PIK3AP1: variants seen among roughly 807,000 people sequenced by gnomAD.
PIK3AP1 encodes the protein phosphoinositide 3-kinase adapter protein 1.
In PIK3AP1, 21 loss-of-function variants were observed where a neutral mutation model predicts 88.1. The observed-to-expected ratio is 0.24, with a 90% CI of 0.17 to 0.34. The LOEUF (loss-of-function observed/expected upper bound fraction) is 0.34, where lower values mean the gene tolerates loss of function less well. Ranked by LOEUF, PIK3AP1 falls within the 10% of genes least tolerant of loss-of-function variation. The pLI is 1.00. For missense variants in PIK3AP1, 828 were observed against 1,035.7 expected (o/e 0.80, Z 2.75); for synonymous variants, 398 against 400.0 (o/e 1.00, Z 0.06).
At chr10:96,603,742 A>G in intron 15 of PIK3AP1, 1 of 439,090 alleles carries the variant, frequency 2.3e-6, no homozygotes, top group African/African-American at 2.0e-5. Context: ...GTCCCTCTAG[A>G]GAACCCTAAT....
chr10:96,645,123 C>A (rs1036209684), intron 8 of PIK3AP1, among the ~76,000 whole-genome samples: 1 of 152,158 alleles, frequency 6.6e-6, no homozygotes, highest in Non-Finnish European at 1.5e-5. Flanking sequence ...TTATATAATA[C>A]ATAAACCTCA....
At chr10:96,671,240 G>A (rs1310281000) in intron 2 of PIK3AP1, among the ~76,000 whole-genome samples, 1 of 152,186 alleles carries the variant, frequency 6.6e-6, no homozygotes, top group Admixed American at 6.5e-5. Context: ...AAATATTTGT[G>A]GGTTCACAGG....
At chr10:96,687,258 A>C (rs1844083751) in intron 2 of PIK3AP1, among the ~76,000 whole-genome samples, 1 of 133,164 alleles carries the variant, frequency 7.5e-6, no homozygotes, top group South Asian at 2.2e-4. Flanking sequence ...TCCATCTCAA[A>C]AAAAAAAAAA....
At chr10:96,651,410 T>C in intron 5 of PIK3AP1, 30 bp from the exon 6 acceptor site, 2 of 1,614,190 alleles carry the variant, frequency 1.2e-6, no homozygotes, top group Non-Finnish European at 1.7e-6. Context: ...TGGTCAGATC[T>C]GAAATCCAGC....
rs77790783 is a variant in PIK3AP1 at position 96,714,415 on chromosome 10, C to T, written c.14-4432G>A. On this transcript the variant is annotated intron_variant, in intron 1 of 16. Coordinates refer to ENST00000339364, the MANE Select transcript of PIK3AP1 (RefSeq NM_152309.3). ...CCAAGTGCACATTGTTAGTCAGTGC[C>T]AGAGCAGGGATCTGACTCCAAAGTC... Among the ~76,000 whole-genome samples the T allele has an allele frequency of 1.6e-3, 251 of 152,278 alleles. 1 individual carries two copies. Among genetic ancestry groups the T allele is most frequent in the Non-Finnish European group, 3.1e-3 (212 of 68,018 alleles).
chr10:96,626,909 G>A lies in PIK3AP1; in HGVS notation c.1472-4C>T. The A allele has an allele frequency of 6.2e-7, 1 of 1,611,584 alleles. No individual in the cohort carries two copies. The highest frequency in any genetic ancestry group is 8.5e-7 in the Non-Finnish European group (1 of 1,177,668). ...TTGGTCATTCCCATGCTGTTGCCTA[G>A]AAACGCAGAGAAAGGTGACTGAAAG... On this transcript the variant is annotated splice_region_variant and splice_polypyrimidine_tract_variant and intron_variant, in intron 9 of 16. Transcript: ENST00000339364.
chr10:96,636,617 T>A (rs1289714357), intron 8 of PIK3AP1, among the ~76,000 whole-genome samples: 1 of 152,236 alleles, frequency 6.6e-6, no homozygotes, highest in African/African-American at 2.4e-5. Context: ...CCCAAGCACT[T>A]AAACTTCATG....
Position 96,645,716 on chromosome 10 carries a change from G to A in PIK3AP1, c.1186-54C>T. The A allele has an allele frequency of 3.3e-6, 5 of 1,500,962 alleles. No homozygotes were observed. In the East Asian group the frequency reaches 7.3e-5, roughly 22 times the overall value. 93.0% of individuals were successfully genotyped at this position (1,500,962 alleles called of 1,614,324 possible). ...CCTGAGGCAGCCTGACTTTCCGGGTGGAACTTGGCCCCCGAAGGCACTTGT... is the reference window on the plus strand; with the variant it reads ...CCTGAGGCAGCCTGACTTTCCGGGTAGAACTTGGCCCCCGAAGGCACTTGT... On this transcript the variant is annotated intron_variant, in intron 7 of 16. Transcript: ENST00000339364.
chr10:96,664,905 C>T (rs1843741013), intron 2 of PIK3AP1, among the ~76,000 whole-genome samples: 1 of 147,056 alleles, frequency 6.8e-6, no homozygotes, highest in Non-Finnish European at 1.5e-5. Flanking sequence ...TTAAAAGTTT[C>T]CTTCAAAGGA....
At chr10:96,628,540 G>A in intron 8 of PIK3AP1, 47 bp from the exon 9 acceptor site, 1 of 1,458,074 alleles carries the variant, frequency 6.9e-7, no homozygotes, top group Non-Finnish European at 9.6e-7. Flanking sequence ...CTCCTCCACA[G>A]GCAAGGAGAT....
At chr10:96,607,645 A>C (rs1354430327) in intron 14 of PIK3AP1, among the ~76,000 whole-genome samples, 3 of 152,192 alleles carry the variant, frequency 2.0e-5, no homozygotes, top group Admixed American at 6.5e-5. Context: ...AGCAAACTGG[A>C]GCTTTTCCTT....
chr10:96,656,849 C>T lies in PIK3AP1; in HGVS notation c.516G>A (p.Val172=). The T allele has an allele frequency of 1.2e-6, 2 of 1,614,144 alleles. No individual in the cohort carries two copies. Among genetic ancestry groups the T allele is most frequent in the Non-Finnish European group, 1.7e-6 (2 of 1,180,032 alleles). The change falls in exon 3 of 17, where the codon GTG becomes GTA. Residue 172 remains valine (V), a synonymous_variant. Coordinates refer to ENST00000339364, the MANE Select transcript of PIK3AP1 (RefSeq NM_152309.3). ...SYSKQQNLPT[V]TSPGNLMVVQ... ...CCACCATCAGGTTCCCAGGTGAAGT[C>T]ACCGTCGGCAGGTTCTGCTGCTTCG...
intron 8 of PIK3AP1, among the ~76,000 whole-genome samples, chr10:96,641,124 T>TGC (rs1554956933): frequency 2.9e-4 from 32 of 109,710 alleles, no homozygotes; most frequent in African/African-American, 8.9e-4. Context: ...TGTGTGTGTG[T>TGC]GCGTGTGCAT....
chr10:96,628,907 T>C (rs1443049343), intron 8 of PIK3AP1, among the ~76,000 whole-genome samples: 3 of 10,850 alleles, frequency 2.8e-4, no homozygotes, highest in African/African-American at 6.6e-4. Flanking sequence ...TATATATATA[T>C]GTGTATATAT....
intron 2 of PIK3AP1, among the ~76,000 whole-genome samples, chr10:96,670,155 C>CA (rs35152022): frequency 0.035 from 3,237 of 91,398 alleles, 333 homozygotes; most frequent in African/African-American, 0.14. Context: ...AAGACTCCAT[C>CA]AAAAAAAAAA....
intron 2 of PIK3AP1, among the ~76,000 whole-genome samples, chr10:96,705,261 A>T (rs1844346755): frequency 6.6e-6 from 1 of 152,180 alleles, no homozygotes; most frequent in Admixed American, 6.6e-5. Flanking sequence ...TTCAGAAGAG[A>T]AATGTGTTCC....
chr10:96,706,183 G>A (rs1415291679), intron 2 of PIK3AP1, among the ~76,000 whole-genome samples: 3 of 151,926 alleles, frequency 2.0e-5, no homozygotes, highest in Non-Finnish European at 4.4e-5. Context: ...GTGAGCCACC[G>A]CTCCCGGCCA....
chr10:96,602,086 T>C (rs1848907225), intron 16 of PIK3AP1, among the ~76,000 whole-genome samples, 194 bp downstream of exon 16: 1 of 152,236 alleles, frequency 6.6e-6, no homozygotes, highest in African/African-American at 2.4e-5. Flanking sequence ...GGTATCACCA[T>C]GTTAGCCAGG....
chr10:96,628,300 A>G (rs1589498538), intron 9 of PIK3AP1, 98 bp downstream of exon 9: 1 of 1,049,372 alleles, frequency 9.5e-7, no homozygotes, highest in East Asian at 2.4e-5. Flanking sequence ...GCAGCAGCCC[A>G]TTCCTTGAGG....
Sources: allele counts gnomAD v4.1 joint callset (sites outside exome capture counted in the v4.1 genomes callset), GRCh38; gene constraint gnomAD v4.1.1; transcripts MANE v1.5; gene names NCBI Gene and HGNC (gene_info 2026-07-23, HGNC 2026-07-21).